The following UNC13B variants were observed in gnomAD, a reference collection of about 807,000 sequenced individuals.
UNC13B encodes unc-13 homolog B.
A neutral mutation model predicts 211.0 loss-of-function variants in UNC13B; 144 were observed. That is an observed-to-expected ratio of 0.68 (90% CI 0.60 to 0.78). The LOEUF (loss-of-function observed/expected upper bound fraction) is 0.78, where lower values mean the gene tolerates loss of function less well. UNC13B is among the 30% of genes least tolerant of loss of function. The pLI, the probability that UNC13B is intolerant of heterozygous loss-of-function variation, is 0.00. For synonymous variants in UNC13B, 709 were observed against 725.8 expected (o/e 0.98, Z 0.37); for missense variants, 1,777 against 2,002.0 (o/e 0.89, Z 2.14).
Position 35,405,307 on chromosome 9 carries a change from G to C in UNC13B, c.*1274G>C, listed in dbSNP as rs1309575727. On this transcript the variant is annotated 3_prime_UTR_variant, in exon 40 of 40. Transcript: ENST00000635942. ...GTGCCATTGTTACAGGAGATTATAG[G>C]CTAGTCTGTAATAAATTATCTTATA... The C allele has an allele frequency of 6.6e-6, 1 of 152,624 alleles. No individual in the cohort carries two copies. 9.5% of individuals were successfully genotyped at this position (152,624 alleles called of 1,614,324 possible). A position where few individuals can be genotyped will look rare whatever the true frequency, so the allele number is the denominator to read the frequency against.
At chr9:35,219,028 C>A (rs1400366894) in intron 1 of UNC13B, among the ~76,000 whole-genome samples, 2 of 152,116 alleles carry the variant, frequency 1.3e-5, no homozygotes, top group African/African-American at 4.8e-5. Context: ...GGATTACAGG[C>A]GTGAGCCACT....
At chr9:35,264,552 A>G (rs1827461581) in intron 7 of UNC13B, among the ~76,000 whole-genome samples, 2 of 152,176 alleles carry the variant, frequency 1.3e-5, no homozygotes, top group African/African-American at 4.8e-5. Flanking sequence ...AGACTGTTGG[A>G]CTTCTTAGGT....
chr9:35,253,207 T>A (rs980822848), intron 6 of UNC13B, among the ~76,000 whole-genome samples: 1 of 152,114 alleles, frequency 6.6e-6, no homozygotes, highest in Admixed American at 6.5e-5. Flanking sequence ...AATGGCACAA[T>A]CATAGCTCAC....
intron 1 of UNC13B, among the ~76,000 whole-genome samples, chr9:35,205,072 A>G (rs370451580): frequency 1.6e-3 from 244 of 152,222 alleles, no homozygotes; most frequent in African/African-American, 5.5e-3. Context: ...TTCTTGTTAT[A>G]GTTCTCATGA....
intron 11 of UNC13B, among the ~76,000 whole-genome samples, chr9:35,363,190 G>A (rs561801860): frequency 1.6e-4 from 24 of 152,306 alleles, no homozygotes; most frequent in South Asian, 2.1e-4. Context: ...ATCATGGAGA[G>A]CCGTGACGGC....
intron 1 of UNC13B, among the ~76,000 whole-genome samples, chr9:35,176,760 C>T (rs1220628169): frequency 2.0e-5 from 3 of 151,970 alleles, no homozygotes; most frequent in Admixed American, 6.6e-5. Context: ...GTGCTATAAA[C>T]GAGAGTACAT....
intron 11 of UNC13B, among the ~76,000 whole-genome samples, chr9:35,336,335 C>G (rs1037413785): frequency 1.3e-5 from 2 of 152,080 alleles, no homozygotes; most frequent in Admixed American, 1.3e-4. Flanking sequence ...AAATCTAACA[C>G]TCCTCTCCCT....
In UNC13B at chr9:35,307,104, G is replaced by A; in HGVS notation, c.7700G>A (p.Cys2567Tyr). The change falls in exon 9 of 40, where the codon TGT becomes TAT. Residue 2567 changes from cysteine (C) to tyrosine (Y), a missense_variant. By Grantham distance (194) the Cys-to-Tyr change is radical. Coordinates refer to ENST00000635942, the MANE Select transcript of UNC13B (RefSeq NM_001371189.2). ...AGTTCAGAATCTACTCTCAGTGACT[G>A]TAGAATGACTGTGGTTAGTGCAAAG... Reference protein sequence around the residue: ...ALSSESTLSDCRMTVVSAKPE... With the variant: ...ALSSESTLSDYRMTVVSAKPE... 1 of 399,026 alleles carries A rather than the reference G, an allele frequency of 2.5e-6. No homozygotes were observed. The highest frequency in any genetic ancestry group is 3.6e-5 in the East Asian group (1 of 28,078). 24.7% of individuals were successfully genotyped at this position (399,026 alleles called of 1,614,324 possible). A position where few individuals can be genotyped will look rare whatever the true frequency, so the allele number is the denominator to read the frequency against.
intron 11 of UNC13B, among the ~76,000 whole-genome samples, chr9:35,341,331 T>A (rs2132012937): frequency 6.6e-6 from 1 of 152,362 alleles, no homozygotes; most frequent in Non-Finnish European, 1.5e-5. Flanking sequence ...CTGGAATAGA[T>A]GTCTACTCCA....
chr9:35,255,121 T>G (rs1826798908), intron 6 of UNC13B, among the ~76,000 whole-genome samples: 1 of 138,952 alleles, frequency 7.2e-6, no homozygotes, highest in Non-Finnish European at 1.5e-5. Context: ...TTAGACAGAT[T>G]CTTACTCTTT....
intron 7 of UNC13B, among the ~76,000 whole-genome samples, chr9:35,289,185 T>C (rs1414101700): frequency 1.3e-5 from 2 of 152,284 alleles, no homozygotes; most frequent in South Asian, 2.1e-4. Flanking sequence ...TAAATTAAAG[T>C]CTGTGATTGA....
At chr9:35,235,053 G>A (rs558787692) in intron 3 of UNC13B, among the ~76,000 whole-genome samples, 2 of 152,250 alleles carry the variant, frequency 1.3e-5, no homozygotes, top group African/African-American at 4.8e-5. Flanking sequence ...TCTGGAGAAC[G>A]TTTTTAGCAT....
chr9:35,263,087 T>C (rs1005350871), intron 7 of UNC13B, among the ~76,000 whole-genome samples: 5 of 152,170 alleles, frequency 3.3e-5, no homozygotes, highest in Non-Finnish European at 7.4e-5. Context: ...GGAAGCAGTT[T>C]AGCAATATGT....
rs533900373 is a variant in UNC13B at position 35,289,838 on chromosome 9, G to A, written c.527-5858G>A. Among the ~76,000 whole-genome samples the A allele has an allele frequency of 7.8e-4, 119 of 152,094 alleles. 1 individual carries two copies. The South Asian group carries it at 9.8e-3, about 12-fold the overall frequency. ...CTGAAAATACAAAAATTAGCCAGGC[G>A]TGTTGGTAGGCGCCTGTAATCCCAG... On this transcript the variant is annotated intron_variant, in intron 7 of 39. Coordinates refer to ENST00000635942, the MANE Select transcript of UNC13B (RefSeq NM_001371189.2).
intron 5 of UNC13B, among the ~76,000 whole-genome samples, chr9:35,238,537 C>T (rs1046165526): frequency 2.0e-5 from 3 of 151,796 alleles, no homozygotes; most frequent in African/African-American, 7.3e-5. Context: ...GAACAGATGC[C>T]TCTACCATAA....
chr9:35,404,415 A>G lies in UNC13B; in HGVS notation c.*382A>G, dbSNP rs2132407613. On this transcript the variant is annotated 3_prime_UTR_variant, in exon 40 of 40. Coordinates refer to ENST00000635942, the MANE Select transcript of UNC13B (RefSeq NM_001371189.2). ...ACACATACATACCAATCATTAGAAGAACAAGTTTAGAAGGTGTGGAACTTG... is the reference window on the plus strand; with the variant it reads ...ACACATACATACCAATCATTAGAAGGACAAGTTTAGAAGGTGTGGAACTTG... 4.5e-6 allele frequency: 1 copy of G among 220,956 alleles called. No individual in the cohort carries two copies. Among genetic ancestry groups the G allele is most frequent in the South Asian group, 8.9e-5 (1 of 11,220 alleles). The allele number at this position is 220,956 out of a possible 1,614,324, so 13.7% of individuals were successfully genotyped here. A position where few individuals can be genotyped will look rare whatever the true frequency, so the allele number is the denominator to read the frequency against.
chr9:35,164,315 C>G (rs1418041451), intron 1 of UNC13B, among the ~76,000 whole-genome samples: 1 of 152,216 alleles, frequency 6.6e-6, no homozygotes, highest in Non-Finnish European at 1.5e-5. Flanking sequence ...CTGCACCCAG[C>G]ACAAAATACA....
intron 9 of UNC13B, 146 bp from the exon 10 acceptor site, chr9:35,310,321 A>G: frequency 1.2e-6 from 1 of 816,176 alleles, no homozygotes; most frequent in African/African-American, 1.7e-5. Context: ...ATTCTTCTAG[A>G]TTATGAAGTT....
At chr9:35,284,133 G>T (rs1828658498) in intron 7 of UNC13B, among the ~76,000 whole-genome samples, 2 of 152,048 alleles carry the variant, frequency 1.3e-5, no homozygotes, top group African/African-American at 4.8e-5. Context: ...GGTGGCATGC[G>T]ACTGTAGCCT....
Sources: gnomAD v4.1 joint callset for allele counts (sites outside exome capture counted in the v4.1 genomes callset) on GRCh38, gnomAD v4.1.1 for gene constraint, MANE v1.5 for transcripts, NCBI Gene and HGNC (gene_info 2026-07-23, HGNC 2026-07-21) for gene names.